The following SBF1 variants were observed in gnomAD, a reference collection of about 807,000 sequenced individuals.
The protein encoded by SBF1 is SET binding factor 1.
SBF1 carries 65 observed loss-of-function variants against 215.8 expected under a neutral mutation model. That is an observed-to-expected ratio of 0.30 (90% CI 0.25 to 0.37). The LOEUF (loss-of-function observed/expected upper bound fraction) is 0.37, where lower values mean the gene tolerates loss of function less well. Ranked by LOEUF, SBF1 falls within the 10% of genes least tolerant of loss-of-function variation. SBF1 has a pLI of 1.00. For missense variants in SBF1, 2,634 were observed against 2,667.8 expected (o/e 0.99, Z 0.28); for synonymous variants, 1,410 against 1,122.8 (o/e 1.26, Z -5.11).
At chr22:50,453,937 C>T (rs1025985172) in intron 36 of SBF1, among the ~76,000 whole-genome samples, 10 of 152,124 alleles carry the variant, frequency 6.6e-5, no homozygotes, top group African/African-American at 9.7e-5. Context: ...GGTAGCACCA[C>T]GCGCAGGACA....
At chr22:50,452,074 G>A (rs1004902503) in intron 36 of SBF1, among the ~76,000 whole-genome samples, 1 of 151,632 alleles carries the variant, frequency 6.6e-6, no homozygotes, top group Non-Finnish European at 1.5e-5. Context: ...GGGATGACAG[G>A]CGTGAGCCGC....
intron 23 of SBF1, 149 bp downstream of exon 23, chr22:50,461,010 A>C (rs2067484809): frequency 1.8e-6 from 2 of 1,108,114 alleles, no homozygotes; most frequent in East Asian, 5.1e-5. Context: ...CATCAACTCA[A>C]GAGCCACAGT....
rs766105341 is a variant in SBF1 at position 50,462,485 on chromosome 22, C to T, written c.2128-12G>A. ...GCCTCCCCAACCTCCTGCCACGGCA[C>T]CACACGCATGAGCCGGGGCCACGCT... On this transcript the variant is annotated splice_polypyrimidine_tract_variant and intron_variant, in intron 18 of 40. Coordinates refer to ENST00000380817, the MANE Select transcript of SBF1 (RefSeq NM_002972.4). 6.2e-7 allele frequency: 1 copy of T among 1,613,040 alleles called. No homozygotes were observed. Among genetic ancestry groups the T allele is most frequent in the Non-Finnish European group, 8.5e-7 (1 of 1,179,762 alleles).
intron 28 of SBF1, 29 bp downstream of exon 28, chr22:50,459,226 C>A (rs1746964792): frequency 1.3e-6 from 2 of 1,580,464 alleles, no homozygotes. Context: ...AGTGCCCCTG[C>A]CCCACCGTCT....
rs764895267 is a variant in SBF1 at position 50,464,861 on chromosome 22, G to A, written c.1389C>T (p.Val463=). 1.9e-6 allele frequency: 3 copies of A among 1,613,662 alleles called. No individual in the cohort carries two copies. The highest frequency in any genetic ancestry group is 1.1e-5 in the South Asian group (1 of 91,076). ...CTGCCAGTTCCTGGACGTGACGCAG[G>A]ACACGCTGGGGGTGGTTCTCATCCG... The part of the protein sequence containing the change: ...MRADENHPQR[V]LRHVQELAEQ... Residue 463 remains valine, a synonymous_variant, in exon 13 of 41, where the codon GTC becomes GTT. Coordinates refer to ENST00000380817, the MANE Select transcript of SBF1 (RefSeq NM_002972.4).
intron 23 of SBF1, 23 bp from the exon 24 acceptor site, chr22:50,460,735 T>G: frequency 6.2e-7 from 1 of 1,604,140 alleles, no homozygotes; most frequent in Non-Finnish European, 8.5e-7. Context: ...AAGCAGCCCT[T>G]AGGGGTGTGG....
In SBF1 at chr22:50,452,723, C is replaced by CAAAA. The variant is rs57951967; in HGVS notation, c.5043+1785_5043+1788dup. ...GGTGACTGAGGGAGACTCCATCTCT[C>CAAAA]AAAAAAAAAAAAAAAAAAAAAAAAA... On this transcript the variant is annotated intron_variant, in intron 36 of 40. Coordinates refer to ENST00000380817, the MANE Select transcript of SBF1 (RefSeq NM_002972.4). Among the ~76,000 whole-genome samples the CAAAA allele has an allele frequency of 4.2e-3, 168 of 39,540 alleles. 20 individuals are homozygous for CAAAA. The highest frequency in any genetic ancestry group is 0.021 in the African/African-American group (163 of 7,924). 25.9% of individuals were successfully genotyped at this position (39,540 alleles called of 152,430 possible).
At chr22:50,465,729 G>A (rs1474332249) in intron 10 of SBF1, 34 bp downstream of exon 10, 5 of 1,562,396 alleles carry the variant, frequency 3.2e-6, no homozygotes, top group East Asian at 2.3e-5. Flanking sequence ...CTAAGTGCCT[G>A]GGGTCCCCAT....
At chr22:50,474,564 G>A (rs1442394277) in intron 1 of SBF1, among the ~76,000 whole-genome samples, 1 of 151,596 alleles carries the variant, frequency 6.6e-6, no homozygotes. Context: ...TCCCCGCCCG[G>A]CCCCCGGCCC....
chr22:50,464,926 G>T lies in SBF1; in HGVS notation c.1333-9C>A. ...ACCTCGTGGGCCACCAGCTAGCGGG[G>T]TAAGCAGGAGGTTAGGTAAGCCATG... On this transcript the variant is annotated splice_polypyrimidine_tract_variant and intron_variant, in intron 12 of 40. Coordinates refer to ENST00000380817, the MANE Select transcript of SBF1 (RefSeq NM_002972.4). 6.2e-7 allele frequency: 1 copy of T among 1,613,678 alleles called. No homozygotes were observed. Among genetic ancestry groups the T allele is most frequent in the Non-Finnish European group, 8.5e-7 (1 of 1,179,962 alleles).
intron 23 of SBF1, 110 bp downstream of exon 23, chr22:50,461,049 C>T: frequency 7.3e-7 from 1 of 1,378,006 alleles, no homozygotes; most frequent in Non-Finnish European, 9.7e-7. Flanking sequence ...AGCGTAACAA[C>T]AGGGCCACTG....
chr22:50,456,442 C>A, intron 30 of SBF1, 47 bp from the exon 31 acceptor site: 1 of 1,578,306 alleles, frequency 6.3e-7, no homozygotes, highest in Non-Finnish European at 8.6e-7. Flanking sequence ...AGGCCCCAAG[C>A]CCCCTGCCGA....
At chr22:50,459,194 A>G in intron 28 of SBF1, 61 bp downstream of exon 28, 1 of 1,547,996 alleles carries the variant, frequency 6.5e-7, no homozygotes, top group Non-Finnish European at 8.8e-7. Flanking sequence ...GCCAAACCAT[A>G]AATGCCACCA....
At chr22:50,451,455 AAG>A (rs1213126179) in intron 36 of SBF1, among the ~76,000 whole-genome samples, 3 of 152,234 alleles carry the variant, frequency 2.0e-5, no homozygotes, top group Non-Finnish European at 4.4e-5. Flanking sequence ...ATGAATTGCA[AAG>A]ATAAAGACTG....
intron 1 of SBF1, among the ~76,000 whole-genome samples, chr22:50,471,686 C>G (rs770429309): frequency 6.6e-6 from 1 of 152,178 alleles, no homozygotes; most frequent in Non-Finnish European, 1.5e-5. Context: ...CCATCCCCCC[C>G]AACCTCCCCT....
At chr22:50,467,314 A>G (rs2148604398) in intron 5 of SBF1, 24 bp downstream of exon 5, 1 of 1,597,672 alleles carries the variant, frequency 6.3e-7, no homozygotes, top group Admixed American at 1.7e-5. Flanking sequence ...GGCTGTGCAG[A>G]TACCAGCTGC....
At chr22:50,464,137 G>A (rs909662002) in intron 15 of SBF1, among the ~76,000 whole-genome samples, 192 bp downstream of exon 15, 2 of 152,156 alleles carry the variant, frequency 1.3e-5, no homozygotes, top group South Asian at 2.1e-4. Flanking sequence ...GCGCAGGCCC[G>A]ACCCACCCCT....
intron 36 of SBF1, 129 bp downstream of exon 36, chr22:50,454,383 G>A (rs1359482906): frequency 4.9e-6 from 4 of 811,004 alleles, no homozygotes; most frequent in Non-Finnish European, 8.0e-6. Context: ...GAGACGGCAG[G>A]GCCACACCAA....
chr22:50,452,670 C>A (rs193130998), intron 36 of SBF1, among the ~76,000 whole-genome samples: 1 of 132,662 alleles, frequency 7.5e-6, no homozygotes, highest in African/African-American at 3.0e-5. Context: ...TGCAGTGAAC[C>A]GAGATCGCAC....
Sources: allele counts gnomAD v4.1 joint callset (sites outside exome capture counted in the v4.1 genomes callset), GRCh38; gene constraint gnomAD v4.1.1; transcripts MANE v1.5; gene names NCBI Gene and HGNC (gene_info 2026-07-23, HGNC 2026-07-21).